Variants in SPATA17 observed in about 807,000 individuals in gnomAD.
SPATA17 encodes spermatogenesis-associated protein 17.
SPATA17 carries 53 observed loss-of-function variants against 62.2 expected under a neutral mutation model. That is an observed-to-expected ratio of 0.85 (90% CI 0.68 to 1.07). SPATA17 has a LOEUF of 1.07. Among genes scored for constraint, SPATA17 ranks in the 50% least tolerant of loss-of-function variants. The pLI, the probability that SPATA17 is intolerant of heterozygous loss-of-function variation, is 0.00. For missense variants in SPATA17, 466 were observed against 425.5 expected (o/e 1.10, Z -0.84); for synonymous variants, 146 against 146.8 (o/e 0.99, Z 0.04).
At chr1:217,781,848 C>T (rs1422148391) in intron 7 of SPATA17, among the ~76,000 whole-genome samples, 1 of 151,956 alleles carries the variant, frequency 6.6e-6, no homozygotes, top group African/African-American at 2.4e-5. Flanking sequence ...TTTAATTATA[C>T]TGAACAAAAT....
At chr1:217,778,209 T>C (rs1437360004) in intron 7 of SPATA17, among the ~76,000 whole-genome samples, 2 of 152,152 alleles carry the variant, frequency 1.3e-5, no homozygotes, top group Non-Finnish European at 2.9e-5. Flanking sequence ...CATATTTAAA[T>C]TTTTAATAAT....
intron 6 of SPATA17, among the ~76,000 whole-genome samples, chr1:217,755,057 T>G (rs148538736): frequency 6.6e-6 from 1 of 152,240 alleles, no homozygotes; most frequent in East Asian, 1.9e-4. Context: ...TTGGATTTTA[T>G]GCAAAATGTA....
chr1:217,862,735 G>T, intron 9 of SPATA17, 39 bp from the exon 10 acceptor site: 1 of 1,363,470 alleles, frequency 7.3e-7, no homozygotes, highest in Non-Finnish European at 1.0e-6. Context: ...ATAAAATCAT[G>T]AAGATCTCTG....
intron 3 of SPATA17, among the ~76,000 whole-genome samples, chr1:217,659,936 C>G (rs1431414274): frequency 1.3e-5 from 2 of 152,138 alleles, no homozygotes; most frequent in African/African-American, 2.4e-5. Context: ...ATGTAAAGTC[C>G]TTGCTTTTTA....
intron 8 of SPATA17, among the ~76,000 whole-genome samples, chr1:217,800,353 T>G (rs1674278044): frequency 6.6e-6 from 1 of 151,392 alleles, no homozygotes; most frequent in Non-Finnish European, 1.5e-5. Flanking sequence ...TTCTGAAGGA[T>G]ATAAGTCCAA....
intron 4 of SPATA17, among the ~76,000 whole-genome samples, chr1:217,669,833 G>A (rs971842518): frequency 6.6e-6 from 1 of 152,084 alleles, no homozygotes; most frequent in Non-Finnish European, 1.5e-5. Flanking sequence ...TGAAAGTGCT[G>A]GGGTGAACCA....
rs1342956191 is a variant in SPATA17 at position 217,754,201 on chromosome 1, C to A, written c.519+12103C>A. On this transcript the variant is annotated intron_variant, in intron 6 of 10. Coordinates refer to ENST00000366933, the MANE Select transcript of SPATA17 (RefSeq NM_138796.4). ...AGTGAGCCATGATCGCGCCACTGTA[C>A]TCCAGCCTGGGCAACAAAGCAAGAC... Among the ~76,000 whole-genome samples, 5 of 152,222 alleles carry A rather than the reference C, an allele frequency of 3.3e-5. 1 individual carries two copies. The South Asian group carries it at 1.0e-3, about 32-fold the overall frequency.
chr1:217,689,583 A>G (rs1465273513), intron 5 of SPATA17, among the ~76,000 whole-genome samples: 3 of 152,070 alleles, frequency 2.0e-5, no homozygotes, highest in African/African-American at 7.2e-5. Flanking sequence ...CAAGTATAAG[A>G]CAATGTTCTC....
chr1:217,717,705 C>T (rs1233892782), intron 5 of SPATA17, among the ~76,000 whole-genome samples: 1 of 151,808 alleles, frequency 6.6e-6, no homozygotes, highest in Non-Finnish European at 1.5e-5. Context: ...TTATCATTTG[C>T]GGGTTTGACA....
chr1:217,661,649 C>G (rs1008236335), intron 3 of SPATA17, among the ~76,000 whole-genome samples: 1 of 152,102 alleles, frequency 6.6e-6, no homozygotes, highest in Non-Finnish European at 1.5e-5. Flanking sequence ...GACTTTCATA[C>G]TGCTATATCT....
At chr1:217,671,029 A>T (rs751210965) in intron 4 of SPATA17, among the ~76,000 whole-genome samples, 1 of 151,912 alleles carries the variant, frequency 6.6e-6, no homozygotes, top group Non-Finnish European at 1.5e-5. Context: ...TAATAATAAT[A>T]ATTATAAAAG....
chr1:217,751,851 T>G (rs967444297), intron 6 of SPATA17, among the ~76,000 whole-genome samples: 1 of 152,158 alleles, frequency 6.6e-6, no homozygotes, highest in Non-Finnish European at 1.5e-5. Flanking sequence ...CTCTTTCCCT[T>G]ATATATTTTT....
rs1406395541 is a variant in SPATA17, at chr1:217,848,368, C to T, written c.1006-14406C>T. ...TCAACTATGGTAGATGAGTATTTAG[C>T]TCTCTTATACTATCATCTCCATGTT... On this transcript the variant is annotated intron_variant, in intron 9 of 10. Coordinates refer to ENST00000366933, the MANE Select transcript of SPATA17 (RefSeq NM_138796.4). Among the ~76,000 whole-genome samples, 3 of 152,106 alleles carry T rather than the reference C, an allele frequency of 2.0e-5. No individual in the cohort carries two copies. The South Asian group carries it at 6.2e-4, about 32-fold the overall frequency.
intron 9 of SPATA17, among the ~76,000 whole-genome samples, chr1:217,844,228 A>G (rs117915345): frequency 1.3e-5 from 2 of 152,214 alleles, no homozygotes; most frequent in South Asian, 2.1e-4. Flanking sequence ...AACAACCCCT[A>G]GTATAGGAAA....
At chr1:217,736,346 G>A (rs931590933) in intron 5 of SPATA17, among the ~76,000 whole-genome samples, 35 of 152,048 alleles carry the variant, frequency 2.3e-4, no homozygotes, top group African/African-American at 7.7e-4. Flanking sequence ...AATAGACATG[G>A]GCAACATAGA....
chr1:217,786,099 A>G (rs779957959), intron 8 of SPATA17, among the ~76,000 whole-genome samples: 12 of 152,182 alleles, frequency 7.9e-5, no homozygotes, highest in Non-Finnish European at 1.3e-4. Context: ...TATTGATTCA[A>G]CAGATGTTTA....
chr1:217,700,762 C>CTTTTTTTTTTTT (rs71556698), intron 5 of SPATA17, among the ~76,000 whole-genome samples: 3 of 134,822 alleles, frequency 2.2e-5, no homozygotes, highest in Non-Finnish European at 3.1e-5. Context: ...TTTTCTTTTT[C>CTTTTTTTTTTTT]TTTTTTTTTT....
At chr1:217,785,373 C>G (rs1271722056) in intron 8 of SPATA17, among the ~76,000 whole-genome samples, 1 of 152,068 alleles carries the variant, frequency 6.6e-6, no homozygotes, top group Non-Finnish European at 1.5e-5. Flanking sequence ...GGAAGCATGG[C>G]TAGGAGACTT....
chr1:217,735,377 G>A (rs1672489039), intron 5 of SPATA17, among the ~76,000 whole-genome samples: 3 of 152,138 alleles, frequency 2.0e-5, no homozygotes, highest in Non-Finnish European at 4.4e-5. Context: ...TCTTTCTCAT[G>A]TCTGTTTTAA....
Sources: gnomAD v4.1 joint callset for allele counts (sites outside exome capture counted in the v4.1 genomes callset) on GRCh38, gnomAD v4.1.1 for gene constraint, MANE v1.5 for transcripts, NCBI Gene and HGNC (gene_info 2026-07-23, HGNC 2026-07-21) for gene names.